Variants in LDAH observed in about 807,000 individuals in gnomAD.
LDAH encodes lipid droplet-associated hydrolase.
LDAH carries 26 observed loss-of-function variants against 29.6 expected under a neutral mutation model. That is an observed-to-expected ratio of 0.88 (90% confidence interval 0.64 to 1.22). The LOEUF (loss-of-function observed/expected upper bound fraction) is 1.22. LDAH is among the 50% of genes most tolerant of loss of function. The probability of loss-of-function intolerance (pLI) is 0.00; values close to 1 mark genes in which losing one functional copy is unlikely to be tolerated. For synonymous variants in LDAH, 117 were observed against 133.0 expected, an observed-to-expected ratio of 0.88 and a Z score of 0.83; for missense variants, 344 against 387.3, an observed-to-expected ratio of 0.89 and a Z score of 0.94.
Position 20,684,897 on chromosome 2 carries a change from C to T in LDAH, c.*2006G>A. 1.9e-6 allele frequency: 3 copies of T among 1,549,660 alleles called. No individual in the cohort carries two copies. The highest frequency in any genetic ancestry group is 2.6e-6 in the Non-Finnish European group (3 of 1,146,618). On this transcript the variant is annotated 3_prime_UTR_variant, in exon 7 of 7. Coordinates refer to ENST00000237822, the MANE Select transcript of LDAH (RefSeq NM_021925.4). ...ATCCCTAATGAAACAGAATGAACTT[C>T]AGTCTCTTGAAATCTGATTCTTCCA...
intron 2 of LDAH, among the ~76,000 whole-genome samples, chr2:20,799,955 T>C (rs1671555329): frequency 6.6e-6 from 1 of 152,186 alleles, no homozygotes; most frequent in South Asian, 2.1e-4. Flanking sequence ...AAGAAACTCC[T>C]GGCCACAGGA....
intron 4 of LDAH, among the ~76,000 whole-genome samples, chr2:20,742,769 G>A (rs1321076448): frequency 6.8e-6 from 1 of 146,274 alleles, no homozygotes; most frequent in Non-Finnish European, 1.5e-5. Context: ...TTTAATTAGT[G>A]CTTTTCTTTT....
chr2:20,788,327 T>C (rs1228028939), intron 3 of LDAH, among the ~76,000 whole-genome samples: 1 of 152,190 alleles, frequency 6.6e-6, no homozygotes, highest in Non-Finnish European at 1.5e-5. Context: ...CTAATGTTTT[T>C]CAGAAAGTAT....
At chr2:20,729,583 G>T (rs551431991) in intron 5 of LDAH, among the ~76,000 whole-genome samples, 2 of 152,274 alleles carry the variant, frequency 1.3e-5, no homozygotes, top group African/African-American at 4.8e-5. Flanking sequence ...AATTCAGGCC[G>T]TCAGGATGAG....
intron 1 of LDAH, among the ~76,000 whole-genome samples, chr2:20,805,328 T>C (rs1449672220): frequency 2.0e-5 from 3 of 152,208 alleles, no homozygotes; most frequent in Non-Finnish European, 4.4e-5. Flanking sequence ...GCTTCCCCTG[T>C]AGGCACCTAA....
intron 2 of LDAH, among the ~76,000 whole-genome samples, chr2:20,794,607 A>T (rs1227382707): frequency 2.0e-5 from 3 of 152,162 alleles, no homozygotes; most frequent in Non-Finnish European, 4.4e-5. Context: ...AAAAATTAAC[A>T]TCATCCACCA....
chr2:20,757,921 T>G (rs558982615), intron 4 of LDAH, among the ~76,000 whole-genome samples: 2 of 152,272 alleles, frequency 1.3e-5, no homozygotes, highest in Non-Finnish European at 2.9e-5. Context: ...AAACTACAAT[T>G]ACATCATTGG....
chr2:20,761,032 G>A (rs1049838619), intron 4 of LDAH, among the ~76,000 whole-genome samples: 7 of 152,100 alleles, frequency 4.6e-5, no homozygotes, highest in African/African-American at 7.2e-5. Flanking sequence ...CAACTATTCC[G>A]AGACCATAAT....
chr2:20,748,891 G>C (rs1156558253), intron 4 of LDAH, among the ~76,000 whole-genome samples: 2 of 152,090 alleles, frequency 1.3e-5, no homozygotes, highest in African/African-American at 4.8e-5. Context: ...GCTATGTATG[G>C]GTCAGGAAGC....
At chr2:20,707,454 A>G (rs534513786) in intron 5 of LDAH, among the ~76,000 whole-genome samples, 4 of 152,294 alleles carry the variant, frequency 2.6e-5, no homozygotes, top group Non-Finnish European at 5.9e-5. Flanking sequence ...CATGCTTGCC[A>G]TGTTAACACA....
chr2:20,797,820 G>T (rs1312266065), intron 2 of LDAH, among the ~76,000 whole-genome samples: 1 of 151,702 alleles, frequency 6.6e-6, no homozygotes, highest in East Asian at 1.9e-4. Context: ...TTAAACATGA[G>T]ACTACAAAAA....
At position 20,779,623 on chromosome 2, in the gene LDAH, C is replaced by T. The variant is rs539044561; in HGVS notation, c.299-4644G>A. 2.6e-5 allele frequency among the ~76,000 whole-genome samples: 4 copies of T among 151,788 alleles called. No individual in the cohort carries two copies. In the South Asian group the frequency reaches 8.3e-4, roughly 32 times the overall value. Reference sequence around the variant, plus strand: ...TATTTACTCTAAATTCATGATAGAACTAGAGATGGGATACAAAAAACAAAC... The same window carrying T: ...TATTTACTCTAAATTCATGATAGAATTAGAGATGGGATACAAAAAACAAAC... On this transcript the variant is annotated intron_variant, in intron 3 of 6. Transcript: ENST00000237822.
At chr2:20,692,739 A>T (rs1366692606) in intron 6 of LDAH, among the ~76,000 whole-genome samples, 1 of 152,170 alleles carries the variant, frequency 6.6e-6, no homozygotes, top group Non-Finnish European at 1.5e-5. Context: ...CCAACGAGAA[A>T]TCCAGCTTGA....
chr2:20,756,780 A>G (rs1212435832), intron 4 of LDAH, among the ~76,000 whole-genome samples: 1 of 152,226 alleles, frequency 6.6e-6, no homozygotes, highest in East Asian at 1.9e-4. Flanking sequence ...AGAAAAAAAT[A>G]CAAGAGTTTT....
In LDAH at chr2:20,723,094, C is replaced by A. The variant is rs563659678; in HGVS notation, c.703+16877G>T. Among the ~76,000 whole-genome samples, 8 of 152,192 alleles carry A rather than the reference C, an allele frequency of 5.3e-5. No individual in the cohort carries two copies. The South Asian group carries it at 1.7e-3, about 32-fold the overall frequency. On this transcript the variant is annotated intron_variant, in intron 5 of 6. Coordinates refer to ENST00000237822, the MANE Select transcript of LDAH (RefSeq NM_021925.4). ...TTAGTAGTACCACATTGGAAACAACCCAAGTATTCATCAATCATAGAATAA... is the reference window on the plus strand; with the variant it reads ...TTAGTAGTACCACATTGGAAACAACACAAGTATTCATCAATCATAGAATAA...
At chr2:20,742,214 T>C (rs913005784) in intron 4 of LDAH, among the ~76,000 whole-genome samples, 13 of 152,228 alleles carry the variant, frequency 8.5e-5, no homozygotes, top group African/African-American at 2.9e-4. Flanking sequence ...TTATGGACCA[T>C]AATGTGGTCT....
chr2:20,779,957 T>A (rs976768557), intron 3 of LDAH, among the ~76,000 whole-genome samples: 1 of 152,150 alleles, frequency 6.6e-6, no homozygotes, highest in Non-Finnish European at 1.5e-5. Context: ...CAATGAGAAC[T>A]GTGGTCCCTA....
rs756667215 is a variant in LDAH at position 20,760,541 on chromosome 2, G to C, written c.468+14269C>G. 3.0e-4 allele frequency among the ~76,000 whole-genome samples: 46 copies of C among 152,196 alleles called. 1 individual carries two copies. The highest frequency in any genetic ancestry group is 1.3e-4 in the Admixed American group (2 of 15,276). On this transcript the variant is annotated intron_variant, in intron 4 of 6. Transcript: ENST00000237822. The stretch of plus-strand genomic sequence containing the variant: ...TGCAGTCTCATCTGAGGCTTGACTG[G>C]GGAAGGATACAAATCACTAAGGTTG...
chr2:20,750,219 T>G (rs926178927), intron 4 of LDAH, among the ~76,000 whole-genome samples: 1 of 151,692 alleles, frequency 6.6e-6, no homozygotes, highest in African/African-American at 2.4e-5. Context: ...AGAGACGGGG[T>G]TTCACCACAT....
Sources: gnomAD v4.1 joint callset for allele counts (sites outside exome capture counted in the v4.1 genomes callset) on GRCh38, gnomAD v4.1.1 for gene constraint, MANE v1.5 for transcripts, NCBI Gene and HGNC (gene_info 2026-07-23, HGNC 2026-07-21) for gene names.